Variants in CEP192 observed in about 807,000 individuals in gnomAD.
The protein encoded by CEP192 is centrosomal protein of 192 kDa.
Under a neutral mutation model 271.8 loss-of-function variants are expected in CEP192, and 151 were observed. That is an observed-to-expected ratio of 0.56 (90% CI 0.49 to 0.64). The LOEUF (loss-of-function observed/expected upper bound fraction) is 0.64. Among genes scored for constraint, CEP192 ranks in the 30% least tolerant of loss-of-function variants. The probability of loss-of-function intolerance (pLI) is 0.00; values close to 1 mark genes in which losing one functional copy is unlikely to be tolerated. For missense variants in CEP192, 2,910 were observed against 3,020.5 expected (o/e 0.96, Z 0.86); for synonymous variants, 995 against 1,076.5 (o/e 0.92, Z 1.48).
Position 13,056,100 on chromosome 18 carries a change from G to A in CEP192, c.3510G>A (p.Leu1170=), listed in dbSNP as rs774129106. The change falls in exon 19 of 45, where the codon CTG becomes CTA. Residue 1170 remains leucine, a synonymous_variant. Coordinates refer to ENST00000506447, the MANE Select transcript of CEP192 (RefSeq NM_032142.4). The part of the protein sequence containing the change: ...EELDPIRLAL[L]GKSGLSCQVG... ...TGGACCCGATCAGGCTGGCTCTCCT[G>A]GGCAAGTCAGGTCTGAGCTGTCAGG... The A allele has an allele frequency of 2.3e-5, 37 of 1,613,244 alleles. No homozygotes were observed. Among genetic ancestry groups the A allele is most frequent in the South Asian group, 3.3e-5 (3 of 90,946 alleles).
chr18:13,091,274 C>T (rs919496763), intron 33 of CEP192, among the ~76,000 whole-genome samples: 1 of 152,176 alleles, frequency 6.6e-6, no homozygotes, highest in African/African-American at 2.4e-5. Context: ...TGTGTTGACA[C>T]AGCCAACCAA....
At chr18:13,098,842 A>C (rs1284845247) in intron 36 of CEP192, among the ~76,000 whole-genome samples, 1 of 152,072 alleles carries the variant, frequency 6.6e-6, no homozygotes, top group African/African-American at 2.4e-5. Context: ...TGGGAGGTGG[A>C]GGTTGTAGCG....
Position 13,049,270 on chromosome 18 carries a change from T to G in CEP192, c.2479T>G (p.Leu827Val), listed in dbSNP as rs770617629. The G allele has an allele frequency of 4.3e-6, 7 of 1,614,160 alleles. No individual in the cohort carries two copies. The highest frequency in any genetic ancestry group is 5.9e-6 in the Non-Finnish European group (7 of 1,180,026). Residue 827 changes from leucine to valine, a missense_variant, in exon 16 of 45, where the codon TTA becomes GTA. Transcript: ENST00000506447. ...TACTCAAGACATTCATCCGGTGGAC[T>G]TAAGTGCTACTAGTGTAAGTGTGAG... The part of the protein sequence containing the change: ...QTTQDIHPVD[L>V]SATSVSVRAP...
Position 13,061,255 on chromosome 18 carries a change from G to A in CEP192, c.4488+1943G>A, listed in dbSNP as rs549713734. On this transcript the variant is annotated intron_variant, in intron 21 of 44. Transcript: ENST00000506447. ...GGAGAATTGCTTGAACCTGAGAGGC[G>A]GAGGTTACAGTGAGCTGAAGTCACG... is the stretch of plus-strand genomic sequence containing the variant. Among the ~76,000 whole-genome samples, 19 of 151,756 alleles carry A rather than the reference G, an allele frequency of 1.3e-4. No homozygotes were observed. The South Asian group carries it at 2.1e-3, about 17-fold the overall frequency.
At chr18:13,013,311 C>T (rs995426971) in intron 5 of CEP192, among the ~76,000 whole-genome samples, 4 of 152,012 alleles carry the variant, frequency 2.6e-5, no homozygotes, top group Non-Finnish European at 5.9e-5. Flanking sequence ...AATGTTAGCT[C>T]CATGAGGGCA....
At position 13,087,143 on chromosome 18, in the gene CEP192, G is replaced by C; in HGVS notation, c.5743G>C (p.Val1915Leu). 1.2e-6 allele frequency: 2 copies of C among 1,614,096 alleles called. No homozygotes were observed. The highest frequency in any genetic ancestry group is 1.7e-6 in the Non-Finnish European group (2 of 1,179,990). Residue 1915 changes from valine (V) to leucine (L), a missense_variant, in exon 31 of 45, where the codon GTC becomes CTC. Transcript: ENST00000506447. ...CAAAGAAAGTAAAATTGTTTTTTCT[G>C]TCCGCAACACTGGCTCCCGAGCAGC... ...PGKESKIVFS[V>L]RNTGSRAAFV...
At chr18:13,032,259 G>A (rs770253278) in intron 11 of CEP192, among the ~76,000 whole-genome samples, 1 of 152,120 alleles carries the variant, frequency 6.6e-6, no homozygotes, top group Non-Finnish European at 1.5e-5. Context: ...TGGATTTCAG[G>A]GGATAGTAGA....
chr18:13,003,527 A>T (rs1277944628), intron 3 of CEP192, among the ~76,000 whole-genome samples: 1 of 150,920 alleles, frequency 6.6e-6, no homozygotes, highest in African/African-American at 2.4e-5. Context: ...CGCCAGGGGG[A>T]AGCAGACTTC....
rs770165789 is a variant in CEP192, at chr18:13,100,498, C to G, written c.6857C>G (p.Pro2286Arg). Reference protein sequence around the residue: ...NKSITFPTTEPGETSESCLEL... With the variant: ...NKSITFPTTERGETSESCLEL... ...AGTATTACTTTTCCTACAACAGAACCTGGTGAAACTTCAGGTATTGTATCA... is the reference window on the plus strand; with the variant it reads ...AGTATTACTTTTCCTACAACAGAACGTGGTGAAACTTCAGGTATTGTATCA... The change falls in exon 38 of 45, where the codon CCT (proline) becomes CGT (arginine). Residue 2286 changes from proline to arginine, a missense_variant. Pro to Arg is a moderately radical substitution (Grantham distance 103). Transcript: ENST00000506447. 3 of 1,611,646 alleles carry G rather than the reference C, an allele frequency of 1.9e-6. No homozygotes were observed. The highest frequency in any genetic ancestry group is 1.7e-5 in the Admixed American group (1 of 60,022).
At chr18:13,008,780 TG>T in intron 4 of CEP192, 149 bp downstream of exon 4, 1 of 610,682 alleles carries the variant, frequency 1.6e-6, no homozygotes, top group Non-Finnish European at 2.8e-6. Flanking sequence ...CACAGCTCAC[TG>T]CAGCCTCAAC....
At chr18:13,077,804 A>AGAATT (rs1376004728) in intron 30 of CEP192, among the ~76,000 whole-genome samples, 1 of 152,250 alleles carries the variant, frequency 6.6e-6, no homozygotes, top group African/African-American at 2.4e-5. Context: ...GAAAAGGTTC[A>AGAATT]GAATTACTGA....
intron 35 of CEP192, among the ~76,000 whole-genome samples, 160 bp downstream of exon 35, chr18:13,095,841 G>A (rs747863941): frequency 9.9e-5 from 15 of 152,158 alleles, no homozygotes; most frequent in Non-Finnish European, 1.9e-4. Context: ...ACTCAGACTT[G>A]CCTAGAGCAG....
chr18:13,072,755 G>T lies in CEP192; in HGVS notation c.5349G>T (p.Gln1783His). Residue 1783 changes from glutamine to histidine, a missense_variant and splice_region_variant, in exon 29 of 45, where the codon CAG (glutamine) becomes CAT (histidine). Gln to His is a conservative substitution (Grantham distance 24). Coordinates refer to ENST00000506447, the MANE Select transcript of CEP192 (RefSeq NM_032142.4). The stretch of plus-strand genomic sequence containing the variant: ...ATTTAAAATGTCTAATTGTTTTTAG[G>T]CTTCAGAAACTAGCTTTAAGAAATA... The part of the protein sequence containing the change: ...AWGGVPLGRT[Q>H]LQKLALRNNS... 6.3e-7 allele frequency: 1 copy of T among 1,586,826 alleles called. No individual in the cohort carries two copies. The highest frequency in any genetic ancestry group is 8.7e-7 in the Non-Finnish European group (1 of 1,155,330).
chr18:13,059,344 C>G, intron 21 of CEP192, 32 bp downstream of exon 21: 1 of 1,555,536 alleles, frequency 6.4e-7, no homozygotes, highest in Non-Finnish European at 8.9e-7. Context: ...TTTGTCATAC[C>G]TGGCATTTTA....
intron 15 of CEP192, among the ~76,000 whole-genome samples, chr18:13,047,244 C>T (rs1302255586): frequency 6.6e-6 from 1 of 152,190 alleles, no homozygotes; most frequent in Non-Finnish European, 1.5e-5. Context: ...AGCTGAGCCT[C>T]ATCCTTATGA....
Position 13,049,028 on chromosome 18 carries a change from GA to G in CEP192, c.2238del (p.Asp747ThrfsTer24). ...AMIKALSNKT[R>X]DKTFQEDEKQ... is the part of the protein sequence containing the mutation. The stretch of plus-strand genomic sequence containing the variant: ...ATCAAGGCACTTTCAAATAAAACCA[GA>G]GACAAGACTTTTCAGGAAGATGAGA... On this transcript the variant is annotated frameshift_variant, in exon 16 of 45. Transcript: ENST00000506447. LOFTEE classifies it high-confidence loss of function. 6.2e-7 allele frequency: 1 copy of G among 1,614,124 alleles called. No individual in the cohort carries two copies. Among genetic ancestry groups the G allele is most frequent in the Non-Finnish European group, 8.5e-7 (1 of 1,180,032 alleles).
rs1254067851 is a variant in CEP192, at chr18:13,072,807, C to T, written c.5401C>T (p.Arg1801Ter). ...NNSASTTQHL[R>*]LLIRGQDQDC... ...TTCTGCATCTACAACTCAACATTTA[C>T]GACTGCTTATTAGAGGACAAGATCA... The change falls in exon 29 of 45, where the codon CGA (arginine) becomes TGA (stop). Residue 1801 changes from arginine to a stop codon, truncating the protein, a stop_gained. Coordinates refer to ENST00000506447, the MANE Select transcript of CEP192 (RefSeq NM_032142.4). LOFTEE classifies it high-confidence loss of function. The T allele has an allele frequency of 3.1e-6, 5 of 1,612,694 alleles. No individual in the cohort carries two copies. The highest frequency in any genetic ancestry group is 1.3e-5 in the African/African-American group (1 of 74,902).
intron 32 of CEP192, among the ~76,000 whole-genome samples, chr18:13,087,908 A>C (rs1446454100): frequency 6.6e-6 from 1 of 152,192 alleles, no homozygotes; most frequent in African/African-American, 2.4e-5. Flanking sequence ...CTTACTCAGT[A>C]GGTGCATCAT....
chr18:13,088,989 G>C (rs930638079), intron 32 of CEP192: 10 of 380,376 alleles, frequency 2.6e-5, no homozygotes, highest in Middle Eastern at 6.2e-4. Context: ...ATTAACAGTA[G>C]TGAGATTTTT....
Sources: gnomAD v4.1 joint callset for allele counts (sites outside exome capture counted in the v4.1 genomes callset) on GRCh38, gnomAD v4.1.1 for gene constraint, MANE v1.5 for transcripts, NCBI Gene and HGNC (gene_info 2026-07-23, HGNC 2026-07-21) for gene names.